Variants in SGCZ observed in about 807,000 individuals in gnomAD.
SGCZ encodes sarcoglycan zeta.
In SGCZ, 40 loss-of-function variants were observed where a neutral mutation model predicts 41.3. The ratio of observed to expected loss-of-function variants is 0.97; its 90% CI spans 0.75 to 1.26. The LOEUF is 1.26. SGCZ is among the 50% of genes most tolerant of loss of function. The pLI, the probability that SGCZ is intolerant of heterozygous loss-of-function variation, is 0.00. For missense variants in SGCZ, 552 were observed against 369.8 expected (o/e 1.49, Z -4.04); for synonymous variants, 206 against 137.5 (o/e 1.50, Z -3.49).
chr8:14,093,320 T>G (rs11775245), intron 7 of SGCZ, among the ~76,000 whole-genome samples: 1 of 151,914 alleles, frequency 6.6e-6, no homozygotes, highest in Admixed American at 6.6e-5. Context: ...AGTGAACTTT[T>G]AAGAAACGCA....
chr8:14,791,020 G>C (rs574233247), intron 1 of SGCZ, among the ~76,000 whole-genome samples: 33 of 145,290 alleles, frequency 2.3e-4, no homozygotes, highest in African/African-American at 8.1e-4. Flanking sequence ...AACAGAGTGA[G>C]ACTCTGTCTC....
intron 3 of SGCZ, among the ~76,000 whole-genome samples, chr8:14,313,845 T>A (rs1278933005): frequency 1.3e-5 from 2 of 152,110 alleles, no homozygotes; most frequent in African/African-American, 2.4e-5. Flanking sequence ...TTATTCTAGG[T>A]CTGCTATGTC....
intron 2 of SGCZ, among the ~76,000 whole-genome samples, chr8:14,533,305 A>AT (rs34265295): frequency 0.12 from 17,723 of 151,972 alleles, 1,187 homozygotes; most frequent in East Asian, 0.32. Context: ...AAATTTAAGA[A>AT]TTTTTTACAT....
chr8:14,760,854 G>C (rs765931349), intron 1 of SGCZ, among the ~76,000 whole-genome samples: 60 of 152,162 alleles, frequency 3.9e-4, no homozygotes, highest in Non-Finnish European at 8.1e-4. Context: ...TGAGGGCCCT[G>C]TTTCCTTTTT....
In SGCZ at chr8:14,479,544, T is replaced by A. The variant is rs1046747613; in HGVS notation, c.234+75188A>T. ...TCAATCCAATCAAATTGACACGCAGTATTAACCATCACACCTGTTATCTAT... is the reference window on the plus strand; with the variant it reads ...TCAATCCAATCAAATTGACACGCAGAATTAACCATCACACCTGTTATCTAT... On this transcript the variant is annotated intron_variant, in intron 2 of 7. Transcript: ENST00000382080. Among the ~76,000 whole-genome samples the A allele has an allele frequency of 1.5e-4, 23 of 152,110 alleles. 1 individual carries two copies. The highest frequency in any genetic ancestry group is 5.9e-5 in the Non-Finnish European group (4 of 68,028).
At chr8:14,213,803 C>G (rs75105275) in intron 4 of SGCZ, among the ~76,000 whole-genome samples, 5,511 of 151,874 alleles carry the variant, frequency 0.036, 292 homozygotes, top group East Asian at 0.21. Flanking sequence ...GATCATGGGA[C>G]CTAAATGAAA....
chr8:14,934,820 A>C (rs1347524785), intron 1 of SGCZ, among the ~76,000 whole-genome samples: 1 of 151,776 alleles, frequency 6.6e-6, no homozygotes, highest in East Asian at 1.9e-4. Flanking sequence ...ATATATCTGA[A>C]GAAATAATAT....
chr8:14,467,883 C>T (rs765232635), intron 2 of SGCZ, among the ~76,000 whole-genome samples: 4 of 152,032 alleles, frequency 2.6e-5, no homozygotes, highest in Admixed American at 6.6e-5. Context: ...GAGTAAACTG[C>T]ACACATGCTA....
intron 2 of SGCZ, among the ~76,000 whole-genome samples, chr8:14,526,052 T>C (rs7827204): frequency 0.052 from 7,934 of 152,156 alleles, 677 homozygotes; most frequent in East Asian, 0.41. Flanking sequence ...CCTATCCATA[T>C]TCGAAAAAGT....
intron 1 of SGCZ, among the ~76,000 whole-genome samples, chr8:14,575,132 T>C (rs1487409636): frequency 6.6e-6 from 1 of 152,248 alleles, no homozygotes; most frequent in Non-Finnish European, 1.5e-5. Flanking sequence ...TTGTGTTCAT[T>C]AGTGAAGACT....
intron 1 of SGCZ, among the ~76,000 whole-genome samples, chr8:14,874,708 C>T (rs927685989): frequency 6.6e-6 from 1 of 152,074 alleles, no homozygotes; most frequent in Non-Finnish European, 1.5e-5. Context: ...AGTGAATGCA[C>T]AGGTGCCTGA....
intron 2 of SGCZ, among the ~76,000 whole-genome samples, chr8:14,453,412 A>G (rs1313892940): frequency 2.0e-5 from 3 of 152,216 alleles, no homozygotes; most frequent in Admixed American, 6.5e-5. Flanking sequence ...TTTGAACAAC[A>G]AGACATTTTT....
At chr8:14,239,757 C>A (rs1798793703) in intron 3 of SGCZ, among the ~76,000 whole-genome samples, 1 of 150,562 alleles carries the variant, frequency 6.6e-6, no homozygotes, top group Admixed American at 6.6e-5. Flanking sequence ...AAAAAATTAG[C>A]CGGGCGTAGT....
At chr8:15,109,783 T>C (rs1302067703) in intron 1 of SGCZ, among the ~76,000 whole-genome samples, 1 of 152,176 alleles carries the variant, frequency 6.6e-6, no homozygotes, top group Non-Finnish European at 1.5e-5. Context: ...ATTATTATTA[T>C]TGTTGCTGTT....
intron 1 of SGCZ, among the ~76,000 whole-genome samples, chr8:14,844,872 G>A (rs528926260): frequency 1.3e-5 from 2 of 152,200 alleles, no homozygotes; most frequent in East Asian, 3.9e-4. Context: ...TACAATGCAA[G>A]CCTTACAATG....
chr8:14,737,965 C>T (rs903742252), intron 1 of SGCZ, among the ~76,000 whole-genome samples: 1 of 152,014 alleles, frequency 6.6e-6, no homozygotes, highest in Non-Finnish European at 1.5e-5. Flanking sequence ...TTCATACATA[C>T]TTTACAGATG....
At chr8:14,445,746 A>T (rs1800413342) in intron 2 of SGCZ, among the ~76,000 whole-genome samples, 1 of 152,154 alleles carries the variant, frequency 6.6e-6, no homozygotes, top group African/African-American at 2.4e-5. Context: ...TCCCCAGGTG[A>T]TGTGGCAAGG....
intron 1 of SGCZ, among the ~76,000 whole-genome samples, chr8:14,845,723 T>G (rs1391293329): frequency 6.6e-6 from 1 of 152,092 alleles, no homozygotes; most frequent in Non-Finnish European, 1.5e-5. Flanking sequence ...TTAATGGCAG[T>G]TTAGATATTG....
intron 1 of SGCZ, among the ~76,000 whole-genome samples, chr8:14,966,855 A>C (rs543136884): frequency 1.3e-5 from 2 of 152,282 alleles, no homozygotes; most frequent in East Asian, 3.9e-4. Context: ...TGACAAAAAC[A>C]TACGGGAAAG....
Sources: allele counts gnomAD v4.1 joint callset (sites outside exome capture counted in the v4.1 genomes callset), GRCh38; gene constraint gnomAD v4.1.1; transcripts MANE v1.5; gene names NCBI Gene and HGNC (gene_info 2026-07-23, HGNC 2026-07-21).